Variants in PCED1B observed in about 807,000 individuals in gnomAD.
The protein encoded by PCED1B is PC-esterase domain-containing protein 1B.
For synonymous variants in PCED1B, 251 were observed against 246.1 expected (o/e 1.02, Z -0.19); for missense variants, 573 against 573.9 (o/e 1.00, Z 0.02).
chr12:47,146,722 G>A (rs1414548560), intron 2 of PCED1B, among the ~76,000 whole-genome samples: 1 of 152,140 alleles, frequency 6.6e-6, no homozygotes, highest in East Asian at 1.9e-4. Context: ...ATAAAGTATA[G>A]TGTAAACATA....
chr12:47,141,860 C>T (rs12578367), intron 2 of PCED1B, among the ~76,000 whole-genome samples: 83,100 of 151,922 alleles, frequency 0.55, 24,253 homozygotes, highest in Non-Finnish European at 0.63. Flanking sequence ...TCAGCACCAC[C>T]CAGCTGCAGT....
chr12:47,087,265 TTCTC>T, intron 1 of PCED1B, among the ~76,000 whole-genome samples: 1 of 152,216 alleles, frequency 6.6e-6, no homozygotes, highest in African/African-American at 2.4e-5. Flanking sequence ...TATACCAGGC[TTCTC>T]ATTTAATTCT....
intron 2 of PCED1B, among the ~76,000 whole-genome samples, chr12:47,201,545 T>A (rs984720043): frequency 6.6e-6 from 1 of 152,080 alleles, no homozygotes; most frequent in Non-Finnish European, 1.5e-5. Flanking sequence ...GGTTGGGCGT[T>A]ACAATACTGC....
At chr12:47,162,598 A>C (rs1394911026) in intron 2 of PCED1B, among the ~76,000 whole-genome samples, 1 of 152,216 alleles carries the variant, frequency 6.6e-6, no homozygotes, top group Non-Finnish European at 1.5e-5. Context: ...GCCTAAAATC[A>C]TGATGGAAGG....
At chr12:47,122,188 T>C (rs1324190570) in intron 2 of PCED1B, among the ~76,000 whole-genome samples, 1 of 152,210 alleles carries the variant, frequency 6.6e-6, no homozygotes, top group African/African-American at 2.4e-5. Context: ...ATTGTTATTT[T>C]AAATTAGGCG....
intron 2 of PCED1B, among the ~76,000 whole-genome samples, chr12:47,120,739 T>A (rs988185445): frequency 1.3e-5 from 2 of 152,040 alleles, no homozygotes; most frequent in African/African-American, 4.8e-5. Flanking sequence ...GAGGCAGAGG[T>A]TGCAGTGAGC....
chr12:47,085,551 A>G (rs958159070), intron 1 of PCED1B, among the ~76,000 whole-genome samples: 10 of 152,350 alleles, frequency 6.6e-5, no homozygotes, highest in African/African-American at 1.9e-4. Context: ...TCCATCTGGT[A>G]TGATATACAT....
intron 3 of PCED1B, among the ~76,000 whole-genome samples, chr12:47,226,618 G>A (rs560262657): frequency 5.9e-5 from 9 of 152,050 alleles, no homozygotes; most frequent in South Asian, 4.2e-4. Context: ...CAAGTTATCC[G>A]CCCGCCTTGG....
chr12:47,236,481 G>C lies in PCED1B; in HGVS notation c.*119G>C, dbSNP rs144729661. ...AACTTAAGCCTGGAGTCCATGCCTC[G>C]TCTTCCTTTTGTTCATTGCTGTTAC... On this transcript the variant is annotated 3_prime_UTR_variant, in exon 4 of 4. Coordinates refer to ENST00000546455, the MANE Select transcript of PCED1B (RefSeq NM_138371.3). The C allele has an allele frequency of 2.8e-6, 3 of 1,053,712 alleles. No homozygotes were observed. Among genetic ancestry groups the C allele is most frequent in the Non-Finnish European group, 4.0e-6 (3 of 751,310 alleles). The allele number at this position is 1,053,712 out of a possible 1,614,324, so 65.3% of individuals were successfully genotyped here.
intron 2 of PCED1B, among the ~76,000 whole-genome samples, chr12:47,197,018 T>TAA (rs1229233625): frequency 7.0e-6 from 1 of 142,658 alleles, no homozygotes; most frequent in Non-Finnish European, 1.5e-5. Flanking sequence ...GCAGTTTATT[T>TAA]AAAAAAAAAA....
chr12:47,172,340 C>CTTTTTTTTTTTTTTTTTTTTTTGTTTTTT (rs34230051), intron 2 of PCED1B, among the ~76,000 whole-genome samples: 3 of 78,350 alleles, frequency 3.8e-5, no homozygotes, highest in African/African-American at 9.6e-5. Flanking sequence ...TCGTGGGTTG[C>CTTTTTTTTTTTTTTTTTTTTTTGTTTTTT]TTTTTTTTTT....
intron 3 of PCED1B, among the ~76,000 whole-genome samples, chr12:47,232,056 A>G (rs1336467797): frequency 6.6e-6 from 1 of 152,226 alleles, no homozygotes; most frequent in Non-Finnish European, 1.5e-5. Context: ...GCGCAAGACC[A>G]TATTTTACTT....
chr12:47,098,241 C>T (rs957744931), intron 1 of PCED1B, among the ~76,000 whole-genome samples: 2 of 152,170 alleles, frequency 1.3e-5, no homozygotes, highest in Non-Finnish European at 1.5e-5. Flanking sequence ...CTCTCTCTTA[C>T]GATTCTGAGC....
intron 3 of PCED1B, among the ~76,000 whole-genome samples, chr12:47,219,779 T>G (rs1943415518): frequency 1.3e-5 from 2 of 152,216 alleles, no homozygotes; most frequent in African/African-American, 4.8e-5. Context: ...AAATATTTCT[T>G]TCTAGATAAT....
In PCED1B at chr12:47,107,911, GGT is replaced by G. The variant is rs143512829; in HGVS notation, c.-526+3719_-526+3720del. On this transcript the variant is annotated intron_variant, in intron 2 of 3. Coordinates refer to ENST00000546455, the MANE Select transcript of PCED1B (RefSeq NM_138371.3). ...GATCTTTATTGCTAATTACATGCTG[GGT>G]GTCCTTAGGAGAGACATTTAAATTT... Among the ~76,000 whole-genome samples, 481 of 152,162 alleles carry G rather than the reference GGT, an allele frequency of 3.2e-3. 4 individuals carry two copies. The highest frequency in any genetic ancestry group is 0.011 in the African/African-American group (470 of 41,492).
chr12:47,147,057 G>A (rs1445415861), intron 2 of PCED1B, among the ~76,000 whole-genome samples: 1 of 138,808 alleles, frequency 7.2e-6, no homozygotes, highest in Non-Finnish European at 1.5e-5. Flanking sequence ...CAGGAGTGCA[G>A]TGGTGCAATC....
chr12:47,202,460 T>C (rs1048977216), intron 2 of PCED1B, among the ~76,000 whole-genome samples: 11 of 152,088 alleles, frequency 7.2e-5, no homozygotes, highest in Admixed American at 2.6e-4. Context: ...TTTGTATCTC[T>C]AGTTCTTTCA....
chr12:47,184,119 C>T (rs1942180455), intron 2 of PCED1B, among the ~76,000 whole-genome samples: 1 of 152,178 alleles, frequency 6.6e-6, no homozygotes, highest in Non-Finnish European at 1.5e-5. Context: ...TAAAGCGATT[C>T]TCCCACCTTG....
rs1943067801 is a variant in PCED1B at position 47,211,230 on chromosome 12, C to T, written c.-525-4992C>T. On this transcript the variant is annotated intron_variant, in intron 2 of 3. Transcript: ENST00000546455. ...ATAGAGAAGACCATATCCTACTCAA[C>T]CTCATATCTCAGGTGCTAAGCACTG... Among the ~76,000 whole-genome samples the T allele has an allele frequency of 2.0e-5, 3 of 152,336 alleles. No homozygotes were observed. In the South Asian group the frequency reaches 6.2e-4, roughly 32 times the overall value.
Sources: gnomAD v4.1 joint callset for allele counts (sites outside exome capture counted in the v4.1 genomes callset) on GRCh38, gnomAD v4.1.1 for gene constraint, MANE v1.5 for transcripts, NCBI Gene and HGNC (gene_info 2026-07-23, HGNC 2026-07-21) for gene names.